The following HS6ST3 variants were observed in gnomAD, a reference collection of about 807,000 sequenced individuals.
The protein encoded by HS6ST3 is heparan sulfate 6-O-sulfotransferase 3.
Under a neutral mutation model 36.7 loss-of-function variants are expected in HS6ST3, and 12 were observed. That is an observed-to-expected ratio of 0.33 (90% CI 0.21 to 0.53). The LOEUF (loss-of-function observed/expected upper bound fraction) is 0.53. HS6ST3 is among the 20% of genes least tolerant of loss of function. The pLI is 0.95. For missense variants in HS6ST3, 584 were observed against 640.9 expected, an observed-to-expected ratio of 0.91 and a Z score of 0.96; for synonymous variants, 240 against 257.5, an observed-to-expected ratio of 0.93 and a Z score of 0.65.
intron 1 of HS6ST3, among the ~76,000 whole-genome samples, chr13:96,616,496 T>C (rs2056474809): frequency 6.6e-6 from 1 of 152,174 alleles, no homozygotes; most frequent in Non-Finnish European, 1.5e-5. Context: ...ATGTAAATGC[T>C]AATGCGCACA....
chr13:96,667,865 G>A (rs763782106), intron 1 of HS6ST3, among the ~76,000 whole-genome samples: 16 of 152,146 alleles, frequency 1.1e-4, no homozygotes, highest in South Asian at 2.1e-4. Context: ...AAAGCCACCT[G>A]CATGTGCCCT....
At chr13:96,141,256 A>G (rs1052354403) in intron 1 of HS6ST3, among the ~76,000 whole-genome samples, 3 of 152,242 alleles carry the variant, frequency 2.0e-5, no homozygotes, top group African/African-American at 7.2e-5. Flanking sequence ...TTGTACAACA[A>G]GAATGCCTGG....
chr13:96,761,264 C>G lies in HS6ST3; in HGVS notation c.708-71226C>G, dbSNP rs551803581. On this transcript the variant is annotated intron_variant, in intron 1 of 1. Transcript: ENST00000376705. ...GCATAGTTGGGGTCCAATGGTCCAGCTGTTTCATCAGCAGTTATATAATTA... is the reference window on the plus strand; with the variant it reads ...GCATAGTTGGGGTCCAATGGTCCAGGTGTTTCATCAGCAGTTATATAATTA... Among the ~76,000 whole-genome samples the G allele has an allele frequency of 1.8e-3, 273 of 152,042 alleles. No homozygotes were observed. In the Middle Eastern group the frequency reaches 0.027, roughly 15 times the overall value.
intron 1 of HS6ST3, among the ~76,000 whole-genome samples, chr13:96,654,608 G>C (rs2056618430): frequency 6.6e-6 from 1 of 152,088 alleles, no homozygotes; most frequent in South Asian, 2.1e-4. Flanking sequence ...TTTTGTTACT[G>C]CAGCCTTGTA....
chr13:96,411,746 A>G (rs2055508495), intron 1 of HS6ST3, among the ~76,000 whole-genome samples: 1 of 152,176 alleles, frequency 6.6e-6, no homozygotes, highest in African/African-American at 2.4e-5. Context: ...AATAGTAAAG[A>G]CGTGAACAAA....
At chr13:96,397,157 C>A (rs1010667629) in intron 1 of HS6ST3, among the ~76,000 whole-genome samples, 1 of 152,120 alleles carries the variant, frequency 6.6e-6, no homozygotes, top group Non-Finnish European at 1.5e-5. Flanking sequence ...GAGCGGAGAT[C>A]GCCCCACTGC....
chr13:96,450,207 T>A (rs143783035), intron 1 of HS6ST3, among the ~76,000 whole-genome samples: 2,299 of 152,312 alleles, frequency 0.015, 30 homozygotes, highest in South Asian at 0.037. Context: ...TGAGTTGGCT[T>A]GAACAGAGTC....
chr13:96,095,404 G>A (rs563491483), intron 1 of HS6ST3, among the ~76,000 whole-genome samples: 1 of 152,088 alleles, frequency 6.6e-6, no homozygotes, highest in African/African-American at 2.4e-5. Context: ...CTTTTATAAC[G>A]TGTATTCCAT....
intron 1 of HS6ST3, among the ~76,000 whole-genome samples, chr13:96,124,330 TTCCAGGCA>T (rs1292821415): frequency 6.6e-6 from 1 of 152,172 alleles, no homozygotes; most frequent in Non-Finnish European, 1.5e-5. Flanking sequence ...GGAGAACTGA[TTCCAGGCA>T]TTAAAGGTCC....
intron 1 of HS6ST3, among the ~76,000 whole-genome samples, chr13:96,153,622 C>G (rs2054097499): frequency 6.6e-6 from 1 of 152,196 alleles, no homozygotes; most frequent in African/African-American, 2.4e-5. Flanking sequence ...ATGCAAATAT[C>G]ACAAAAGTGA....
intron 1 of HS6ST3, among the ~76,000 whole-genome samples, chr13:96,365,504 T>C (rs2055258675): frequency 6.6e-6 from 1 of 152,214 alleles, no homozygotes; most frequent in Admixed American, 6.5e-5. Flanking sequence ...CTGCTCCATC[T>C]TAGGCATTGA....
At chr13:96,444,963 C>G (rs2055691125) in intron 1 of HS6ST3, among the ~76,000 whole-genome samples, 1 of 151,994 alleles carries the variant, frequency 6.6e-6, no homozygotes. Flanking sequence ...GCATACTATG[C>G]TCTTTCTAAA....
chr13:96,306,783 A>T (rs1457582740), intron 1 of HS6ST3, among the ~76,000 whole-genome samples: 1 of 152,200 alleles, frequency 6.6e-6, no homozygotes, highest in African/African-American at 2.4e-5. Context: ...AGTCAAATAA[A>T]TTAGCTCTGT....
At chr13:96,645,027 A>G (rs1048058250) in intron 1 of HS6ST3, among the ~76,000 whole-genome samples, 10 of 152,004 alleles carry the variant, frequency 6.6e-5, no homozygotes. Context: ...TCAGGTCACT[A>G]GATATGCGCC....
At chr13:96,211,359 TCCAAA>T (rs1017117940) in intron 1 of HS6ST3, among the ~76,000 whole-genome samples, 2 of 152,188 alleles carry the variant, frequency 1.3e-5, no homozygotes, top group Non-Finnish European at 2.9e-5. Context: ...CCACTCTGAC[TCCAAA>T]CCATGGCCCA....
intron 1 of HS6ST3, among the ~76,000 whole-genome samples, chr13:96,627,817 G>T (rs1053513893): frequency 6.6e-6 from 1 of 151,814 alleles, no homozygotes; most frequent in Non-Finnish European, 1.5e-5. Flanking sequence ...TAGCATAAAT[G>T]TGTTTATAAT....
At chr13:96,407,181 A>C (rs147644519) in intron 1 of HS6ST3, among the ~76,000 whole-genome samples, 124 of 152,348 alleles carry the variant, frequency 8.1e-4, no homozygotes, top group African/African-American at 2.7e-3. Context: ...TTCTTTGCGA[A>C]ATTTTAAGTT....
intron 1 of HS6ST3, among the ~76,000 whole-genome samples, chr13:96,365,595 ATTC>A (rs1363698361): frequency 2.0e-5 from 3 of 152,188 alleles, no homozygotes; most frequent in South Asian, 4.1e-4. Flanking sequence ...ATATTCTATG[ATTC>A]TTCTTTGTGA....
At chr13:96,318,677 C>A (rs2054988606) in intron 1 of HS6ST3, among the ~76,000 whole-genome samples, 1 of 151,704 alleles carries the variant, frequency 6.6e-6, no homozygotes, top group Non-Finnish European at 1.5e-5. Context: ...TTTTTTTGGC[C>A]TTGTCAAAGA....
Sources: allele counts gnomAD v4.1 joint callset (sites outside exome capture counted in the v4.1 genomes callset), GRCh38; gene constraint gnomAD v4.1.1; transcripts MANE v1.5; gene names NCBI Gene and HGNC (gene_info 2026-07-23, HGNC 2026-07-21).